PXDNL: variants seen among roughly 807,000 people sequenced by gnomAD.
The protein encoded by PXDNL is probable oxidoreductase PXDNL.
A neutral mutation model predicts 150.8 loss-of-function variants in PXDNL; 145 were observed. The ratio of observed to expected loss-of-function variants is 0.96; its 90% CI spans 0.84 to 1.10. The LOEUF (loss-of-function observed/expected upper bound fraction) is 1.10, where lower values mean the gene tolerates loss of function less well. PXDNL is among the 50% of genes least tolerant of loss of function. PXDNL has a pLI of 0.00. For missense variants in PXDNL, 2,087 were observed against 1,873.9 expected, an observed-to-expected ratio of 1.11 and a Z score of -2.10; for synonymous variants, 757 against 725.7, an observed-to-expected ratio of 1.04 and a Z score of -0.69.
In PXDNL at chr8:51,395,095, G is replaced by A. The variant is rs1271683871; in HGVS notation, c.3557+12972C>T. 2.6e-5 allele frequency among the ~76,000 whole-genome samples: 4 copies of A among 152,224 alleles called. No individual in the cohort carries two copies. The East Asian group carries it at 7.7e-4, about 29-fold the overall frequency. On this transcript the variant is annotated intron_variant, in intron 17 of 22. Transcript: ENST00000356297. Reference sequence around the variant, plus strand: ...CAGAGGCAGAGTTCCCAGGAAGCAAGTGAAGATGACTCTGCAGAGCCCTAA... The same window carrying A: ...CAGAGGCAGAGTTCCCAGGAAGCAAATGAAGATGACTCTGCAGAGCCCTAA...
intron 1 of PXDNL, among the ~76,000 whole-genome samples, chr8:51,697,674 G>C (rs1208148006): frequency 1.3e-5 from 2 of 152,174 alleles, no homozygotes; most frequent in South Asian, 2.1e-4. Context: ...CAGGTCCCTA[G>C]AGCATCCCTG....
At chr8:51,623,312 T>A (rs1418736670) in intron 2 of PXDNL, among the ~76,000 whole-genome samples, 3 of 152,170 alleles carry the variant, frequency 2.0e-5, no homozygotes, top group Admixed American at 2.0e-4. Flanking sequence ...TCACCCAACC[T>A]TGCAGTGCCT....
At chr8:51,528,887 A>C (rs1044887522) in intron 4 of PXDNL, among the ~76,000 whole-genome samples, 5 of 152,184 alleles carry the variant, frequency 3.3e-5, no homozygotes, top group Admixed American at 3.3e-4. Flanking sequence ...CCCCTAAAGC[A>C]TCCAGAAAGG....
intron 2 of PXDNL, among the ~76,000 whole-genome samples, chr8:51,595,140 G>T (rs1813536694): frequency 6.6e-6 from 1 of 152,160 alleles, no homozygotes; most frequent in East Asian, 1.9e-4. Flanking sequence ...ATATACTGAT[G>T]ATCAAACTTT....
chr8:51,516,938 T>C (rs1428029133), intron 4 of PXDNL, among the ~76,000 whole-genome samples: 1 of 152,170 alleles, frequency 6.6e-6, no homozygotes, highest in African/African-American at 2.4e-5. Context: ...TTAATTCCTA[T>C]TTATTATTAA....
intron 2 of PXDNL, among the ~76,000 whole-genome samples, chr8:51,651,276 A>G (rs1815029399): frequency 1.3e-5 from 2 of 152,230 alleles, no homozygotes; most frequent in Admixed American, 6.5e-5. Flanking sequence ...ATAAACACAC[A>G]TAGATGAGTG....
intron 1 of PXDNL, among the ~76,000 whole-genome samples, chr8:51,807,994 G>C (rs2037695293): frequency 6.6e-6 from 1 of 152,164 alleles, no homozygotes; most frequent in Non-Finnish European, 1.5e-5. Flanking sequence ...AGTTATTACA[G>C]TAAGACGTAT....
intron 3 of PXDNL, among the ~76,000 whole-genome samples, chr8:51,563,697 G>T (rs1416650234): frequency 2.6e-5 from 4 of 151,810 alleles, no homozygotes; most frequent in East Asian, 1.9e-4. Flanking sequence ...ATTATTTTTT[G>T]CACTACTCAA....
chr8:51,577,523 C>G (rs1813081541), intron 3 of PXDNL, among the ~76,000 whole-genome samples: 1 of 148,406 alleles, frequency 6.7e-6, no homozygotes, highest in African/African-American at 2.5e-5. Context: ...AGAGAAAACA[C>G]AAGTACCAAT....
chr8:51,728,045 A>G (rs1282514479), intron 1 of PXDNL, among the ~76,000 whole-genome samples: 1 of 152,256 alleles, frequency 6.6e-6, no homozygotes, highest in Non-Finnish European at 1.5e-5. Flanking sequence ...CATGCACCAC[A>G]TAACGATGTT....
chr8:51,428,197 A>C (rs1018178675), intron 12 of PXDNL, among the ~76,000 whole-genome samples: 1 of 152,226 alleles, frequency 6.6e-6, no homozygotes, highest in African/African-American at 2.4e-5. Context: ...AAACTACAAA[A>C]TACTGAAGTA....
chr8:51,746,049 G>A (rs755463277), intron 1 of PXDNL, among the ~76,000 whole-genome samples: 13 of 152,030 alleles, frequency 8.6e-5, no homozygotes, highest in South Asian at 2.1e-4. Flanking sequence ...GTGAGCCACC[G>A]TGCCCAGCCC....
intron 1 of PXDNL, among the ~76,000 whole-genome samples, chr8:51,657,245 G>A (rs891147468): frequency 2.6e-5 from 4 of 152,130 alleles, no homozygotes; most frequent in African/African-American, 9.7e-5. Context: ...ACACGGTAAA[G>A]TCAAAAATCA....
chr8:51,694,538 C>G (rs10958297), intron 1 of PXDNL, among the ~76,000 whole-genome samples: 4,024 of 152,120 alleles, frequency 0.026, 200 homozygotes, highest in African/African-American at 0.092. Context: ...AATCTTGATT[C>G]GTATATTGTC....
At chr8:51,519,731 A>C (rs1284118889) in intron 4 of PXDNL, among the ~76,000 whole-genome samples, 1 of 152,248 alleles carries the variant, frequency 6.6e-6, no homozygotes, top group Non-Finnish European at 1.5e-5. Flanking sequence ...TAAGTGCCGA[A>C]AGGGTGAATT....
At chr8:51,388,998 T>C (rs915649586) in intron 17 of PXDNL, among the ~76,000 whole-genome samples, 11 of 152,200 alleles carry the variant, frequency 7.2e-5, no homozygotes, top group African/African-American at 2.4e-4. Context: ...GTCTCTCCTA[T>C]TGTTTTAATC....
chr8:51,440,569 A>G (rs1417225567), intron 12 of PXDNL, among the ~76,000 whole-genome samples: 1 of 152,002 alleles, frequency 6.6e-6, no homozygotes, highest in African/African-American at 2.4e-5. Context: ...ATCCCACAAC[A>G]CTCTACATAG....
chr8:51,534,093 C>A (rs544540139), intron 4 of PXDNL, among the ~76,000 whole-genome samples: 5 of 144,290 alleles, frequency 3.5e-5, no homozygotes, highest in Non-Finnish European at 7.4e-5. Flanking sequence ...TGTCTCTGCC[C>A]GGCCGCCCAT....
chr8:51,616,860 C>T (rs898574285), intron 2 of PXDNL, among the ~76,000 whole-genome samples: 7 of 152,168 alleles, frequency 4.6e-5, no homozygotes, highest in South Asian at 4.1e-4. Flanking sequence ...TACTTTAAAT[C>T]ATCTCTAGAT....
Sources: gnomAD v4.1 joint callset for allele counts (sites outside exome capture counted in the v4.1 genomes callset) on GRCh38, gnomAD v4.1.1 for gene constraint, MANE v1.5 for transcripts, NCBI Gene and HGNC (gene_info 2026-07-23, HGNC 2026-07-21) for gene names.